Variants in GDPD5 observed in about 807,000 individuals in gnomAD.
GDPD5 encodes the protein glycerophosphodiester phosphodiesterase domain containing 5.
In GDPD5, 48 loss-of-function variants were observed where a neutral mutation model predicts 75.1. That is an observed-to-expected ratio of 0.64 (90% CI 0.51 to 0.81). GDPD5 has a LOEUF of 0.81. GDPD5 is among the 40% of genes least tolerant of loss of function. The pLI is 0.00. For synonymous variants in GDPD5, 336 were observed against 339.0 expected (o/e 0.99, Z 0.10); for missense variants, 706 against 822.6 (o/e 0.86, Z 1.73).
intron 2 of GDPD5, among the ~76,000 whole-genome samples, chr11:75,482,528 C>T (rs898826018): frequency 2.0e-5 from 3 of 152,196 alleles, no homozygotes; most frequent in Non-Finnish European, 4.4e-5. Flanking sequence ...CCTTTTCTCG[C>T]CATCCCCACA....
At chr11:75,487,039 G>A (rs868841741) in intron 2 of GDPD5, among the ~76,000 whole-genome samples, 233 of 152,302 alleles carry the variant, frequency 1.5e-3, no homozygotes, top group African/African-American at 5.2e-3. Context: ...TGGCCCCAGG[G>A]TGAGGGCTGC....
chr11:75,504,445 A>G (rs183529458), intron 1 of GDPD5, among the ~76,000 whole-genome samples: 2 of 152,344 alleles, frequency 1.3e-5, no homozygotes, highest in Admixed American at 1.3e-4. Flanking sequence ...AGGTGAACGG[A>G]CAGACAGAAT....
intron 6 of GDPD5, chr11:75,455,218 G>A (rs1355440389): frequency 2.2e-6 from 1 of 444,902 alleles, no homozygotes; most frequent in African/African-American, 2.0e-5. Flanking sequence ...TGAGAGCCAG[G>A]CATGGCCCCA....
Position 75,506,588 on chromosome 11 carries a change from G to A in GDPD5, c.-144-16268C>T, listed in dbSNP as rs115302208. The A allele has an allele frequency of 6.5e-3, 988 of 152,584 alleles. 10 individuals are homozygous for A. The highest frequency in any genetic ancestry group is 0.023 in the African/African-American group (946 of 41,534). The allele number at this position is 152,584 out of a possible 1,614,324, so 9.5% of individuals were successfully genotyped here. ...CCAGCCCCAGGCACACCATCACAGC[G>A]GCCAGTCAAGACCACAAGGTAGGGT... On this transcript the variant is annotated intron_variant, in intron 1 of 16. Coordinates refer to ENST00000336898, the MANE Select transcript of GDPD5 (RefSeq NM_030792.8).
chr11:75,510,509 G>A (rs1057345474), intron 1 of GDPD5, among the ~76,000 whole-genome samples: 24 of 152,132 alleles, frequency 1.6e-4, no homozygotes, highest in African/African-American at 4.8e-4. Context: ...CTCCAGCCCC[G>A]TCTGACCTCC....
intron 6 of GDPD5, chr11:75,450,907 C>G (rs1949128345): frequency 1.3e-5 from 2 of 152,492 alleles, no homozygotes; most frequent in Admixed American, 1.3e-4. Flanking sequence ...ACCTCCGTCC[C>G]CCTAGTTTCT....
chr11:75,486,935 G>A (rs1227894051), intron 2 of GDPD5, among the ~76,000 whole-genome samples: 1 of 152,162 alleles, frequency 6.6e-6, no homozygotes, highest in Non-Finnish European at 1.5e-5. Flanking sequence ...AGTGATTGGG[G>A]CTTCTCCCAG....
intron 12 of GDPD5, 131 bp downstream of exon 12, chr11:75,442,232 G>A (rs542403440): frequency 3.0e-6 from 2 of 675,368 alleles, no homozygotes; most frequent in Non-Finnish European, 5.0e-6. Flanking sequence ...CCAGGGAAGT[G>A]AGCAGTGTGT....
intron 1 of GDPD5, among the ~76,000 whole-genome samples, chr11:75,506,266 C>T (rs1206768898): frequency 2.0e-5 from 3 of 152,176 alleles, no homozygotes; most frequent in East Asian, 1.9e-4. Flanking sequence ...AGAAGACACT[C>T]CCCCCAGGAA....
chr11:75,444,412 C>T lies in GDPD5; in HGVS notation c.797+1G>A. On this transcript the variant is annotated splice_donor_variant, in intron 10 of 16. Coordinates refer to ENST00000336898, the MANE Select transcript of GDPD5 (RefSeq NM_030792.8). LOFTEE classifies it high-confidence loss of function. ...AACTATCTCCCCTCCGCTACACCTA[C>T]CTGATGGTAATGTCAGCCTGGAGCC... 1.2e-6 allele frequency: 2 copies of T among 1,610,740 alleles called. No individual in the cohort carries two copies. Among genetic ancestry groups the T allele is most frequent in the Non-Finnish European group, 1.7e-6 (2 of 1,177,144 alleles).
chr11:75,477,103 A>T (rs534208293), intron 3 of GDPD5, among the ~76,000 whole-genome samples: 1 of 152,362 alleles, frequency 6.6e-6, no homozygotes, highest in Admixed American at 6.5e-5. Flanking sequence ...AGTGCAGCTT[A>T]GGTCTGGCCT....
chr11:75,463,230 T>C (rs529860883), intron 3 of GDPD5, among the ~76,000 whole-genome samples: 10 of 152,356 alleles, frequency 6.6e-5, no homozygotes, highest in Middle Eastern at 6.8e-3. Flanking sequence ...ATCGGCAGTC[T>C]GTGAAGTCAC....
chr11:75,504,934 C>T lies in GDPD5; in HGVS notation c.-144-14614G>A, dbSNP rs766951103. On this transcript the variant is annotated intron_variant, in intron 1 of 16. Coordinates refer to ENST00000336898, the MANE Select transcript of GDPD5 (RefSeq NM_030792.8). ...TGAGGTCAGGAGTTCGAGACCAGCC[C>T]GACCAACTTGGTGAAACCCAGTCTC... is the stretch of plus-strand genomic sequence containing the variant. 2.6e-5 allele frequency among the ~76,000 whole-genome samples: 4 copies of T among 152,006 alleles called. No individual in the cohort carries two copies. In the South Asian group the frequency reaches 8.3e-4, roughly 32 times the overall value.
chr11:75,460,693 G>A (rs537660390), intron 4 of GDPD5, among the ~76,000 whole-genome samples: 114 of 152,122 alleles, frequency 7.5e-4, no homozygotes, highest in Admixed American at 1.3e-3. Flanking sequence ...TGATCTGCCC[G>A]CCTTGGCCTC....
intron 15 of GDPD5, 173 bp from the exon 16 acceptor site, chr11:75,437,221 AG>A: frequency 1.7e-6 from 1 of 585,186 alleles, no homozygotes; most frequent in East Asian, 2.9e-5. Context: ...CTTGAATCAG[AG>A]CCTACTGACT....
intron 2 of GDPD5, among the ~76,000 whole-genome samples, chr11:75,483,523 T>C (rs1320766351): frequency 6.6e-6 from 1 of 152,080 alleles, no homozygotes; most frequent in African/African-American, 2.4e-5. Flanking sequence ...TGCTCTCAGC[T>C]CCTTTTCTGA....
chr11:75,506,989 C>G (rs1004375348), intron 1 of GDPD5: 1 of 152,304 alleles, frequency 6.6e-6, no homozygotes, highest in Non-Finnish European at 1.5e-5. Flanking sequence ...GGTCCCCAGG[C>G]AGGGGAGTAG....
chr11:75,505,621 C>T (rs1485773149), intron 1 of GDPD5, among the ~76,000 whole-genome samples: 1 of 152,158 alleles, frequency 6.6e-6, no homozygotes. Context: ...GGGACCAGGA[C>T]ACTCTCTGAT....
chr11:75,487,273 T>A (rs1183248546), intron 2 of GDPD5, among the ~76,000 whole-genome samples: 1 of 152,204 alleles, frequency 6.6e-6, no homozygotes, highest in Non-Finnish European at 1.5e-5. Context: ...GGGGAAGTCG[T>A]TCCACCTCTC....
Sources: gnomAD v4.1 joint callset for allele counts (sites outside exome capture counted in the v4.1 genomes callset) on GRCh38, gnomAD v4.1.1 for gene constraint, MANE v1.5 for transcripts, NCBI Gene and HGNC (gene_info 2026-07-23, HGNC 2026-07-21) for gene names.